ATG4A: variants seen among roughly 807,000 people sequenced by gnomAD.
ATG4A encodes cysteine protease ATG4A.
In ATG4A, 22 loss-of-function variants were observed where a neutral mutation model predicts 38.4. The observed-to-expected ratio is 0.57, with a 90% CI of 0.41 to 0.82. The LOEUF is 0.82. Ranked by LOEUF, ATG4A falls within the 40% of genes least tolerant of loss-of-function variation. The probability of loss-of-function intolerance (pLI) is 0.00; values close to 1 mark genes in which losing one functional copy is unlikely to be tolerated. For missense variants in ATG4A, 220 were observed against 290.0 expected (o/e 0.76, Z 1.75); for synonymous variants, 86 against 100.7 (o/e 0.85, Z 0.88).
intron 1 of ATG4A, among the ~76,000 whole-genome samples, chrX:108,113,291 T>C (rs1327257821): frequency 8.9e-6 from 1 of 111,776 alleles, no homozygotes; most frequent in Non-Finnish European, 1.9e-5. Flanking sequence ...GAATAGTTGG[T>C]GACAGGAAGC....
intron 1 of ATG4A, among the ~76,000 whole-genome samples, chrX:108,120,283 C>G (rs753629088): frequency 8.9e-6 from 1 of 112,323 alleles, no homozygotes. Flanking sequence ...CATCTAGACT[C>G]TCCTTTCAAA....
chrX:108,146,498 C>T (rs1414800308), intron 9 of ATG4A, among the ~76,000 whole-genome samples: 2 of 111,565 alleles, frequency 1.8e-5, no homozygotes, highest in Non-Finnish European at 3.8e-5. Flanking sequence ...CCACTTGGCC[C>T]CTGCCACCTC....
chrX:108,121,490 ACTCT>A (rs1402466495), intron 1 of ATG4A, among the ~76,000 whole-genome samples: 2 of 107,221 alleles, frequency 1.9e-5, no homozygotes, highest in African/African-American at 6.8e-5. Flanking sequence ...GTTATTTTTG[ACTCT>A]CTCTCACTCT....
chrX:108,120,130 T>G (rs762352781), intron 1 of ATG4A, among the ~76,000 whole-genome samples: 37 of 112,353 alleles, frequency 3.3e-4, no homozygotes, highest in African/African-American at 1.2e-3. Flanking sequence ...AAAAGGTGCC[T>G]CTAGTCTTGA....
intron 1 of ATG4A, among the ~76,000 whole-genome samples, chrX:108,124,755 A>ATT (rs368342460): frequency 9.2e-6 from 1 of 108,908 alleles, no homozygotes; most frequent in African/African-American, 3.3e-5. Context: ...GAACAGACTC[A>ATT]TTTTTTTTTT....
intron 9 of ATG4A, among the ~76,000 whole-genome samples, chrX:108,144,465 C>T (rs2033377327): frequency 8.9e-6 from 1 of 112,038 alleles, no homozygotes; most frequent in Non-Finnish European, 1.9e-5. Context: ...ATTGGGCACT[C>T]AGCAGGGGCT....
chrX:108,097,445 T>A (rs1035272404), intron 1 of ATG4A, among the ~76,000 whole-genome samples: 10 of 112,197 alleles, frequency 8.9e-5, no homozygotes, highest in Non-Finnish European at 1.7e-4. Flanking sequence ...ATGGTAAACT[T>A]CTATATCTAC....
intron 3 of ATG4A, among the ~76,000 whole-genome samples, chrX:108,130,896 C>G (rs763276849): frequency 9.0e-6 from 1 of 111,631 alleles, no homozygotes; most frequent in African/African-American, 3.3e-5. Context: ...GTGAGCTATG[C>G]AAGGCAAGGT....
chrX:108,097,953 AT>A (rs935228040), intron 1 of ATG4A, among the ~76,000 whole-genome samples: 19 of 111,038 alleles, frequency 1.7e-4, no homozygotes, highest in African/African-American at 4.6e-4. Context: ...TGTGGCTCTA[AT>A]TTTTTTTTAT....
chrX:108,126,720 T>C, intron 2 of ATG4A: 3 of 967,120 alleles, frequency 3.1e-6, no homozygotes, highest in African/African-American at 4.0e-5. Flanking sequence ...TGATTTTGTA[T>C]AGAACTTTTA....
At position 108,150,526 on chromosome X, in the gene ATG4A, A is replaced by G. The variant is rs757446077; in HGVS notation, c.960+229A>G. Among the ~76,000 whole-genome samples, 72 of 112,763 alleles carry G rather than the reference A, an allele frequency of 6.4e-4. 1 individual carries two copies. Among genetic ancestry groups the G allele is most frequent in the Non-Finnish European group, 3.2e-4 (17 of 53,352 alleles). Reference sequence around the variant, plus strand: ...ATTAGTCTGTTCTCCCACTGCTGATAAAGACATACCTGAGGCTGGGTAATT... The same window carrying G: ...ATTAGTCTGTTCTCCCACTGCTGATGAAGACATACCTGAGGCTGGGTAATT... On this transcript the variant is annotated intron_variant, in intron 10 of 12. Transcript: ENST00000372232.
chrX:108,150,346 T>C, intron 10 of ATG4A, 49 bp downstream of exon 10: 4 of 1,197,064 alleles, frequency 3.3e-6, no homozygotes, highest in Non-Finnish European at 4.5e-6. Context: ...GTGTACAGAT[T>C]GGTTCCCTGG....
chrX:108,105,823 C>T (rs1032720470), intron 1 of ATG4A, among the ~76,000 whole-genome samples: 2 of 111,438 alleles, frequency 1.8e-5, no homozygotes, highest in African/African-American at 6.5e-5. Context: ...TCTTTGTTCC[C>T]CCCACCCTGA....
chrX:108,112,211 G>A (rs894344080), intron 1 of ATG4A, among the ~76,000 whole-genome samples: 1 of 111,296 alleles, frequency 9.0e-6, no homozygotes, highest in Non-Finnish European at 1.9e-5. Context: ...TCACCCTGTT[G>A]TGCTATCAAA....
intron 1 of ATG4A, among the ~76,000 whole-genome samples, 179 bp from the exon 2 acceptor site, chrX:108,125,898 A>T (rs1158601711): frequency 8.9e-6 from 1 of 112,188 alleles, no homozygotes; most frequent in African/African-American, 3.2e-5. Flanking sequence ...TCAAGAGGAA[A>T]TCCTTCAACT....
chrX:108,094,409 T>C (rs1210704757), intron 1 of ATG4A, among the ~76,000 whole-genome samples: 2 of 111,348 alleles, frequency 1.8e-5, no homozygotes, highest in Non-Finnish European at 3.8e-5. Context: ...CTATACCCCA[T>C]GCTTTTTTTT....
intron 4 of ATG4A, among the ~76,000 whole-genome samples, chrX:108,133,274 C>A (rs1265719727): frequency 8.9e-6 from 1 of 112,344 alleles, no homozygotes; most frequent in Non-Finnish European, 1.9e-5. Context: ...AAAAATCTGT[C>A]CCATTAGACA....
chrX:108,093,732 A>G (rs1233223519), intron 1 of ATG4A, among the ~76,000 whole-genome samples: 1 of 112,003 alleles, frequency 8.9e-6, no homozygotes, highest in East Asian at 2.8e-4. Flanking sequence ...AACATTTGTT[A>G]TTTACTGTGT....
At chrX:108,098,495 A>T (rs781333607) in intron 1 of ATG4A, among the ~76,000 whole-genome samples, 1 of 111,513 alleles carries the variant, frequency 9.0e-6, no homozygotes. Context: ...ATACAATATC[A>T]AAACCAGGAA....
Sources: allele counts gnomAD v4.1 joint callset (sites outside exome capture counted in the v4.1 genomes callset), GRCh38; gene constraint gnomAD v4.1.1; transcripts MANE v1.5; gene names NCBI Gene and HGNC (gene_info 2026-07-23, HGNC 2026-07-21).